ARHGAP39: variants seen among roughly 807,000 people sequenced by gnomAD.
The protein encoded by ARHGAP39 is rho GTPase-activating protein 39.
A neutral mutation model predicts 106.9 loss-of-function variants in ARHGAP39; 44 were observed. The observed-to-expected ratio is 0.41, with a 90% CI of 0.32 to 0.53. The LOEUF (loss-of-function observed/expected upper bound fraction) is 0.53. Ranked by LOEUF, ARHGAP39 falls within the 20% of genes least tolerant of loss-of-function variation. ARHGAP39 has a pLI of 0.21. For synonymous variants in ARHGAP39, 768 were observed against 693.2 expected (o/e 1.11, Z -1.69); for missense variants, 1,496 against 1,577.3 (o/e 0.95, Z 0.87).
rs769372274 is a variant in ARHGAP39, at chr8:144,545,319, G to A, written c.2451C>T (p.Pro817=). Residue 817 remains proline, a synonymous_variant, in exon 6 of 12, where the codon CCC becomes CCT. Coordinates refer to ENST00000377307, the MANE Select transcript of ARHGAP39 (RefSeq NM_025251.3). ...LMAICLAFFP[P]TPKFHSYLEG... ...CCAGGTAGGAGTGGAACTTGGGGGTGGGCGGGAAAAAGGCCAGGCAGATGG... is the reference window on the plus strand; with the variant it reads ...CCAGGTAGGAGTGGAACTTGGGGGTAGGCGGGAAAAAGGCCAGGCAGATGG... 3.8e-6 allele frequency: 6 copies of A among 1,593,736 alleles called. No homozygotes were observed. The highest frequency in any genetic ancestry group is 1.3e-5 in the African/African-American group (1 of 74,290).
Position 144,547,566 on chromosome 8 carries a change from G to A in ARHGAP39, c.1520C>T (p.Ala507Val). The A allele has an allele frequency of 6.8e-7, 1 of 1,471,820 alleles. No homozygotes were observed. The highest frequency in any genetic ancestry group is 9.0e-7 in the Non-Finnish European group (1 of 1,113,764). 91.2% of individuals were successfully genotyped at this position (1,471,820 alleles called of 1,614,324 possible). ...GTCCCCGGGGCCCTCAGTGGGGGTG[G>A]CGCTGGTGGCTTGGCACAAAGAGGG... ...RKPSLCQATSATPTEGPGDLL... is the reference protein window; with the variant it reads ...RKPSLCQATSVTPTEGPGDLL... Residue 507 changes from alanine to valine, a missense_variant, in exon 5 of 12, where the codon GCC becomes GTC. Around this residue, in one of 4 missense-constraint regions of ARHGAP39, gnomAD observed 905 missense variants for 816.4 expected, o/e 1.11. Coordinates refer to ENST00000377307, the MANE Select transcript of ARHGAP39 (RefSeq NM_025251.3). The surrounding 1 kb of genome is among the most constrained non-coding windows in gnomAD (Gnocchi z 5.2).
At chr8:144,582,057 C>A (rs985473595) in intron 2 of ARHGAP39, among the ~76,000 whole-genome samples, 1 of 152,082 alleles carries the variant, frequency 6.6e-6, no homozygotes, top group Non-Finnish European at 1.5e-5. Flanking sequence ...AGCCCTGCGA[C>A]AGGCCTGGTC....
rs1821459056 is a variant in ARHGAP39 at position 144,646,973 on chromosome 8, T to TC, written c.-82+38712_-82+38713insG. 6.7e-6 allele frequency among the ~76,000 whole-genome samples: 1 copy of TC among 150,078 alleles called. No homozygotes were observed. The highest frequency in any genetic ancestry group is 1.5e-5 in the Non-Finnish European group (1 of 67,336). On this transcript the variant is annotated intron_variant, in intron 1 of 11. Coordinates refer to ENST00000377307, the MANE Select transcript of ARHGAP39 (RefSeq NM_025251.3). The surrounding 1 kb of genome is among the most constrained non-coding windows in gnomAD (Gnocchi z 5.7). Reference sequence around the variant, plus strand: ...TCTGCTCTGCTCTGACCATTTTTTTTTTTTTTTTTTTTTTGAGACAGAGTC... The same window carrying TC: ...TCTGCTCTGCTCTGACCATTTTTTTTCTTTTTTTTTTTTTTGAGACAGAGTC...
intron 1 of ARHGAP39, among the ~76,000 whole-genome samples, chr8:144,618,712 C>T (rs932623247): frequency 2.6e-5 from 4 of 152,236 alleles, no homozygotes; most frequent in Admixed American, 6.5e-5. Flanking sequence ...GCGCAGGAAG[C>T]GGCTCCCTGC....
chr8:144,567,738 A>G (rs1586560672), intron 3 of ARHGAP39, among the ~76,000 whole-genome samples: 2 of 152,270 alleles, frequency 1.3e-5, no homozygotes, highest in Middle Eastern at 3.4e-3. Flanking sequence ...TAATGGCGTA[A>G]GTTGTTTCTC....
chr8:144,614,375 C>A (rs1463580321), intron 1 of ARHGAP39, among the ~76,000 whole-genome samples: 2 of 143,392 alleles, frequency 1.4e-5, no homozygotes, highest in East Asian at 3.9e-4. Flanking sequence ...TTTTTTGAGA[C>A]GGAGTCTCGC....
intron 1 of ARHGAP39, among the ~76,000 whole-genome samples, chr8:144,658,784 G>A (rs1821757178): frequency 6.6e-6 from 1 of 151,996 alleles, no homozygotes; most frequent in Non-Finnish European, 1.5e-5. Flanking sequence ...AAGGTAGAAG[G>A]ATTAGGAAAG....
chr8:144,681,827 A>AG (rs776814723), intron 1 of ARHGAP39, among the ~76,000 whole-genome samples: 2 of 152,220 alleles, frequency 1.3e-5, no homozygotes, highest in Non-Finnish European at 2.9e-5. Context: ...GGTTTTCCCT[A>AG]ATCTTTGTGT....
intron 3 of ARHGAP39, among the ~76,000 whole-genome samples, chr8:144,567,003 T>G (rs1212392166): frequency 6.6e-6 from 1 of 152,092 alleles, no homozygotes; most frequent in African/African-American, 2.4e-5. Context: ...AATCTTAACC[T>G]ACACCCAGCA....
At chr8:144,666,696 G>A (rs1821973965) in intron 1 of ARHGAP39, among the ~76,000 whole-genome samples, 1 of 152,182 alleles carries the variant, frequency 6.6e-6, no homozygotes, top group African/African-American at 2.4e-5. Context: ...CAGCCATGTG[G>A]AACGGTAAGT....
rs1821415455 is a variant in ARHGAP39, at chr8:144,645,355, G to A, written c.-81-39660C>T. On this transcript the variant is annotated intron_variant, in intron 1 of 11. Coordinates refer to ENST00000377307, the MANE Select transcript of ARHGAP39 (RefSeq NM_025251.3). This position sits in a 1 kb window ranked among gnomAD's most constrained non-coding sequence, Gnocchi z 4.4. ...CTGGGAACCAGCCCTGGGACACCAC[G>A]CTCTCAATGATGGGCTCCATGAGGG... Among the ~76,000 whole-genome samples, 2 of 152,258 alleles carry A rather than the reference G, an allele frequency of 1.3e-5. No individual in the cohort carries two copies. Among genetic ancestry groups the A allele is most frequent in the Admixed American group, 6.5e-5 (1 of 15,290 alleles).
intron 1 of ARHGAP39, among the ~76,000 whole-genome samples, chr8:144,635,994 G>A (rs1255834297): frequency 8.7e-6 from 1 of 115,498 alleles, no homozygotes; most frequent in African/African-American, 3.4e-5. Flanking sequence ...GAATTAGAGG[G>A]GGGCTGAGGC....
At chr8:144,583,973 C>T (rs1170081432) in intron 2 of ARHGAP39, 1 of 152,204 alleles carries the variant, frequency 6.6e-6, no homozygotes. Flanking sequence ...AGGGGATAAA[C>T]GGTATCTCCC....
At chr8:144,631,004 C>G (rs1472852523) in intron 1 of ARHGAP39, among the ~76,000 whole-genome samples, 6 of 152,352 alleles carry the variant, frequency 3.9e-5, no homozygotes, top group African/African-American at 1.4e-4. Flanking sequence ...TCCGGGGAGG[C>G]CTCAGGTAGC....
rs945006420 is a variant in ARHGAP39, at chr8:144,604,863, G to C, written c.80+672C>G. On this transcript the variant is annotated intron_variant, in intron 2 of 11. Coordinates refer to ENST00000377307, the MANE Select transcript of ARHGAP39 (RefSeq NM_025251.3). The surrounding 1 kb of genome is among the most constrained non-coding windows in gnomAD (Gnocchi z 4.1). ...CCCCAAAAGCATTCAGAGGCGACGGGAGCAATGCTAGCCACAGGGTCTCTG... is the reference window on the plus strand; with the variant it reads ...CCCCAAAAGCATTCAGAGGCGACGGCAGCAATGCTAGCCACAGGGTCTCTG... Among the ~76,000 whole-genome samples, 2 of 152,222 alleles carry C rather than the reference G, an allele frequency of 1.3e-5. No individual in the cohort carries two copies. Among genetic ancestry groups the C allele is most frequent in the African/African-American group, 4.8e-5 (2 of 41,464 alleles).
chr8:144,648,526 C>T (rs973612660), intron 1 of ARHGAP39, among the ~76,000 whole-genome samples: 12 of 152,266 alleles, frequency 7.9e-5, no homozygotes, highest in African/African-American at 1.9e-4. Context: ...TGAGCAAGGG[C>T]GATATCAGAT....
intron 4 of ARHGAP39, among the ~76,000 whole-genome samples, chr8:144,550,457 G>A (rs1817650224): frequency 6.6e-6 from 1 of 152,168 alleles, no homozygotes; most frequent in Non-Finnish European, 1.5e-5. Context: ...AACAAAAAAA[G>A]TAGAAACCCC....
At chr8:144,564,771 A>T (rs1421320723) in intron 3 of ARHGAP39, among the ~76,000 whole-genome samples, 1 of 151,498 alleles carries the variant, frequency 6.6e-6, no homozygotes, top group Non-Finnish European at 1.5e-5. Context: ...ACTTGAGGCC[A>T]GGAGTCTGAG....
chr8:144,540,721 G>A (rs1175198463), intron 6 of ARHGAP39, among the ~76,000 whole-genome samples: 2 of 152,196 alleles, frequency 1.3e-5, no homozygotes, highest in Non-Finnish European at 2.9e-5. Flanking sequence ...GATCCCACGA[G>A]CCTGAGAGGT....
Sources: allele counts gnomAD v4.1 joint callset (sites outside exome capture counted in the v4.1 genomes callset), GRCh38; gene constraint gnomAD v4.1.1; regional missense constraint gnomAD v4.1.1; non-coding constraint Gnocchi (gnomAD v3.1); transcripts MANE v1.5; gene names NCBI Gene and HGNC (gene_info 2026-07-23, HGNC 2026-07-21).